QSOX1: variants seen among roughly 807,000 people sequenced by gnomAD.
The protein encoded by QSOX1 is sulfhydryl oxidase 1.
In QSOX1, 40 loss-of-function variants were observed where a neutral mutation model predicts 76.1. That is an observed-to-expected ratio of 0.53 (90% confidence interval 0.41 to 0.68). The LOEUF is 0.68. Among genes scored for constraint, QSOX1 ranks in the 30% least tolerant of loss-of-function variants. The pLI is 0.00. For missense variants in QSOX1, 931 were observed against 974.3 expected, an observed-to-expected ratio of 0.96 and a Z score of 0.59; for synonymous variants, 392 against 413.1, an observed-to-expected ratio of 0.95 and a Z score of 0.62.
intron 2 of QSOX1, 151 bp downstream of exon 2, chr1:180,166,742 C>A: frequency 1.4e-6 from 1 of 730,182 alleles, no homozygotes; most frequent in Non-Finnish European, 2.3e-6. Flanking sequence ...GGTGAGAGCT[C>A]CCACCTCCCA....
At chr1:180,172,570 A>G (rs931180422) in intron 2 of QSOX1, among the ~76,000 whole-genome samples, 1 of 152,102 alleles carries the variant, frequency 6.6e-6, no homozygotes, top group Non-Finnish European at 1.5e-5. Flanking sequence ...CCCAGGCTGG[A>G]GTGCAGTGGC....
intron 4 of QSOX1, among the ~76,000 whole-genome samples, chr1:180,178,093 A>G (rs1396822328): frequency 6.6e-6 from 1 of 152,106 alleles, no homozygotes; most frequent in Non-Finnish European, 1.5e-5. Context: ...GTTGGGTTCT[A>G]ATACCCCCCA....
At chr1:180,156,745 GAGTGA>G (rs1662384000) in intron 1 of QSOX1, among the ~76,000 whole-genome samples, 2 of 152,292 alleles carry the variant, frequency 1.3e-5, no homozygotes, top group East Asian at 3.9e-4. Flanking sequence ...GTCAGGGGAG[GAGTGA>G]TGTCAACACA....
intron 8 of QSOX1, among the ~76,000 whole-genome samples, chr1:180,188,432 C>T (rs3767170): frequency 0.53 from 80,699 of 152,238 alleles, 24,939 homozygotes; most frequent in Non-Finnish European, 0.69. Context: ...TTCATCCATC[C>T]TTCTGGCACT....
At chr1:180,163,206 T>C (rs538153024) in intron 1 of QSOX1, among the ~76,000 whole-genome samples, 1 of 152,208 alleles carries the variant, frequency 6.6e-6, no homozygotes, top group East Asian at 1.9e-4. Flanking sequence ...CTTCACAACT[T>C]CCTTGTATCC....
chr1:180,158,703 G>A (rs1375838669), intron 1 of QSOX1, among the ~76,000 whole-genome samples: 1 of 152,024 alleles, frequency 6.6e-6, no homozygotes, highest in African/African-American at 2.4e-5. Flanking sequence ...CCAGAGCTGA[G>A]GGTCAGTAGA....
At chr1:180,184,150 C>T in intron 7 of QSOX1, 100 bp downstream of exon 7, 3 of 1,441,696 alleles carry the variant, frequency 2.1e-6, no homozygotes, top group Non-Finnish European at 2.9e-6. Flanking sequence ...TCTTCCTTGT[C>T]ATATGATTAG....
chr1:180,175,871 T>C, intron 3 of QSOX1, 60 bp from the exon 4 acceptor site: 1 of 1,337,156 alleles, frequency 7.5e-7, no homozygotes, highest in Non-Finnish European at 1.1e-6. Flanking sequence ...AGGTGGCCAG[T>C]GTGCTGTGGA....
At chr1:180,168,202 G>A (rs564614091) in intron 2 of QSOX1, among the ~76,000 whole-genome samples, 372 of 152,370 alleles carry the variant, frequency 2.4e-3, no homozygotes, top group African/African-American at 8.4e-3. Flanking sequence ...CCCATGTCAC[G>A]CAGCGCACGC....
At chr1:180,178,972 A>G (rs1014263339) in intron 5 of QSOX1, 88 bp downstream of exon 5, 12 of 1,231,764 alleles carry the variant, frequency 9.7e-6, no homozygotes, top group Non-Finnish European at 1.3e-5. Context: ...TGCCAATTCT[A>G]GGGTCTTGGC....
In QSOX1 at chr1:180,176,011, T is replaced by A; in HGVS notation, c.493T>A (p.Cys165Ser). Residue 165 changes from cysteine to serine, a missense_variant, in exon 4 of 12, where the codon TGT becomes AGT. Cys to Ser is a moderately radical substitution (Grantham distance 112). Transcript: ENST00000367602. ...CCATCATGACACGTGGCCCCCAGCC[T>A]GTCCCCCACTGGAGCCTGCCAAGTA... Reference protein sequence around the residue: ...ESHHDTWPPACPPLEPAKLEE... With the variant: ...ESHHDTWPPASPPLEPAKLEE... The A allele has an allele frequency of 6.3e-7, 1 of 1,597,974 alleles. No individual in the cohort carries two copies. Among genetic ancestry groups the A allele is most frequent in the South Asian group, 1.1e-5 (1 of 88,016 alleles).
intron 1 of QSOX1, among the ~76,000 whole-genome samples, chr1:180,164,669 G>A (rs192271473): frequency 3.9e-4 from 60 of 152,344 alleles, no homozygotes; most frequent in Non-Finnish European, 6.0e-4. Flanking sequence ...TTCCCCAGGC[G>A]TAACGTGTTC....
intron 1 of QSOX1, among the ~76,000 whole-genome samples, chr1:180,156,698 T>G (rs1189638983): frequency 6.6e-6 from 1 of 152,218 alleles, no homozygotes; most frequent in Non-Finnish European, 1.5e-5. Flanking sequence ...TGAACGTGCC[T>G]TTCTGAGCAG....
At chr1:180,184,083 T>C (rs1300148657) in intron 7 of QSOX1, 33 bp downstream of exon 7, 1 of 1,610,536 alleles carries the variant, frequency 6.2e-7, no homozygotes, top group East Asian at 2.2e-5. Context: ...TCACTTCTTC[T>C]CCTTCCTCTG....
Position 180,196,598 on chromosome 1 carries a change from A to T in QSOX1, c.1805A>T (p.Glu602Val), listed in dbSNP as rs1427977648. Residue 602 changes from glutamate to valine, a missense_variant, in exon 12 of 12, where the codon GAG (glutamate) becomes GTG (valine). By Grantham distance (121) the Glu-to-Val change is moderately radical (BLOSUM62 -2). Transcript: ENST00000367602. The surrounding 1 kb of genome is among the most constrained non-coding windows in gnomAD (Gnocchi z 4.1). The part of the protein sequence containing the change: ...TTPHVPAEGP[E>V]ASRPPKLHPG... ...CCACATGTGCCGGCTGAGGGACCTGAGGCAAGTCGACCCCCGAAGCTGCAC... is the reference window on the plus strand; with the variant it reads ...CCACATGTGCCGGCTGAGGGACCTGTGGCAAGTCGACCCCCGAAGCTGCAC... The T allele has an allele frequency of 6.2e-7, 1 of 1,614,140 alleles. No individual in the cohort carries two copies. The highest frequency in any genetic ancestry group is 1.6e-4 in the Middle Eastern group (1 of 6,062).
At chr1:180,180,139 G>C (rs1312455304) in intron 5 of QSOX1, among the ~76,000 whole-genome samples, 1 of 152,260 alleles carries the variant, frequency 6.6e-6, no homozygotes, top group Non-Finnish European at 1.5e-5. Context: ...CAAGCTGTGT[G>C]ATCTGGAGGC....
intron 6 of QSOX1, among the ~76,000 whole-genome samples, chr1:180,182,531 A>T (rs2242110): frequency 0.53 from 80,665 of 151,876 alleles, 24,972 homozygotes; most frequent in Non-Finnish European, 0.69. Flanking sequence ...CAGCTCAGAG[A>T]CCTCAAAGGC....
At chr1:180,162,684 G>A (rs1339415713) in intron 1 of QSOX1, among the ~76,000 whole-genome samples, 1 of 152,122 alleles carries the variant, frequency 6.6e-6, no homozygotes. Context: ...GGACAGGTGA[G>A]CCACGATCGC....
intron 2 of QSOX1, among the ~76,000 whole-genome samples, chr1:180,167,616 C>T (rs1221660272): frequency 6.6e-6 from 1 of 152,188 alleles, no homozygotes. Flanking sequence ...CCCAGTGCAA[C>T]CCCCACTGGA....
Sources: gnomAD v4.1 joint callset for allele counts (sites outside exome capture counted in the v4.1 genomes callset) on GRCh38, gnomAD v4.1.1 for gene constraint, Gnocchi (gnomAD v3.1) non-coding constraint, MANE v1.5 for transcripts, NCBI Gene and HGNC (gene_info 2026-07-23, HGNC 2026-07-21) for gene names.